The following CHD5 variants were observed in gnomAD, a reference collection of about 807,000 sequenced individuals.
CHD5 encodes chromodomain helicase DNA binding protein 5.
Under a neutral mutation model 230.3 loss-of-function variants are expected in CHD5, and 69 were observed. The observed-to-expected ratio is 0.30, with a 90% CI of 0.25 to 0.37. The LOEUF (loss-of-function observed/expected upper bound fraction) is 0.37, where lower values mean the gene tolerates loss of function less well. CHD5 is among the 10% of genes least tolerant of loss of function. CHD5 has a pLI of 1.00. For synonymous variants in CHD5, 1,064 were observed against 1,065.9 expected (o/e 1.00, Z 0.03); for missense variants, 1,827 against 2,622.8 (o/e 0.70, Z 6.63).
chr1:6,128,835 C>T lies in CHD5; in HGVS notation c.3619+3G>A, dbSNP rs1456535341. Reference sequence around the variant, plus strand: ...GCCACGCTCCCTCGGAACAGAGGCCCACCCTCCACGTCGTCCTTGAAGAGT... The same window carrying T: ...GCCACGCTCCCTCGGAACAGAGGCCTACCCTCCACGTCGTCCTTGAAGAGT... On this transcript the variant is annotated splice_donor_region_variant and intron_variant, in intron 23 of 41. Coordinates refer to ENST00000262450, the MANE Select transcript of CHD5 (RefSeq NM_015557.3). The surrounding 1 kb of genome is among the most constrained non-coding windows in gnomAD (Gnocchi z 7.8). The T allele has an allele frequency of 2.5e-6, 4 of 1,605,632 alleles. No homozygotes were observed. The highest frequency in any genetic ancestry group is 3.4e-6 in the Non-Finnish European group (4 of 1,173,696).
In CHD5 at chr1:6,146,713, C is replaced by T; in HGVS notation, c.1542G>A (p.Lys514=). Residue 514 remains lysine, a synonymous_variant, in exon 10 of 42, where the codon AAG becomes AAA. Transcript: ENST00000262450. The surrounding 1 kb of genome is among the most constrained non-coding windows in gnomAD (Gnocchi z 5.1). ...AATGCCAGTAGGACAGCCCTGCCCACTTGACAAAGAACTCTCTCTCAGGGA... is the reference window on the plus strand; with the variant it reads ...AATGCCAGTAGGACAGCCCTGCCCATTTGACAAAGAACTCTCTCTCAGGGA... ...EGIPEREFFV[K]WAGLSYWHCS... 3 of 1,613,704 alleles carry T rather than the reference C, an allele frequency of 1.9e-6. No homozygotes were observed. The highest frequency in any genetic ancestry group is 2.5e-6 in the Non-Finnish European group (3 of 1,179,886).
Position 6,170,752 on chromosome 1 carries a change from T to C in CHD5, c.80-2475A>G, listed in dbSNP as rs77292748. Reference sequence around the variant, plus strand: ...GACCCCACCCCATTCCTCTGATCACTAGTGTGGAAAGGCGGGGATTTTTCA... The same window carrying C: ...GACCCCACCCCATTCCTCTGATCACCAGTGTGGAAAGGCGGGGATTTTTCA... On this transcript the variant is annotated intron_variant, in intron 1 of 41. Transcript: ENST00000262450. 4.2e-3 allele frequency among the ~76,000 whole-genome samples: 637 copies of C among 152,204 alleles called. 5 individuals are homozygous for C. Among genetic ancestry groups the C allele is most frequent in the African/African-American group, 0.015 (622 of 41,528 alleles).
At position 6,168,293 on chromosome 1, in the gene CHD5, G is replaced by T; in HGVS notation, c.80-16C>A. ...TCTTCTTCTTCTGGAAAAATCAGAA[G>T]GTGGCAGCAGTTACTCCTGAGCTTC... On this transcript the variant is annotated splice_polypyrimidine_tract_variant and intron_variant, in intron 1 of 41. Coordinates refer to ENST00000262450, the MANE Select transcript of CHD5 (RefSeq NM_015557.3). 1 of 1,584,856 alleles carries T rather than the reference G, an allele frequency of 6.3e-7. No individual in the cohort carries two copies. Among genetic ancestry groups the T allele is most frequent in the South Asian group, 1.1e-5 (1 of 89,230 alleles).
intron 1 of CHD5, among the ~76,000 whole-genome samples, chr1:6,169,547 G>A (rs80137174): frequency 0.025 from 3,761 of 152,314 alleles, 148 homozygotes; most frequent in African/African-American, 0.086. Context: ...GGGGTCTGAC[G>A]CTCATCTGGG....
At chr1:6,173,295 A>ATG (rs1557565351) in intron 1 of CHD5, among the ~76,000 whole-genome samples, 43 of 151,380 alleles carry the variant, frequency 2.8e-4, no homozygotes, top group African/African-American at 1.0e-3. Context: ...TAGTAGAGCC[A>ATG]GGGTTTCACC....
At chr1:6,160,950 G>A (rs768188715) in intron 2 of CHD5, among the ~76,000 whole-genome samples, 3 of 152,322 alleles carry the variant, frequency 2.0e-5, no homozygotes, top group Non-Finnish European at 2.9e-5. Context: ...GGGAGGGGCC[G>A]GGCAGCACTG....
intron 17 of CHD5, among the ~76,000 whole-genome samples, chr1:6,135,833 C>T (rs1169740113): frequency 6.6e-6 from 1 of 152,032 alleles, no homozygotes; most frequent in Non-Finnish European, 1.5e-5. Context: ...TATGATGAAA[C>T]CCCAACTCTA....
In CHD5 at chr1:6,105,358, G is replaced by T. The variant is rs1225413580; in HGVS notation, c.*116C>A. On this transcript the variant is annotated 3_prime_UTR_variant, in exon 42 of 42. Coordinates refer to ENST00000262450, the MANE Select transcript of CHD5 (RefSeq NM_015557.3). The surrounding 1 kb of genome is among the most constrained non-coding windows in gnomAD (Gnocchi z 4.8). ...AGGTTTCCCTTTTTGTCCCAAGGTG[G>T]CGCTGGCTCCTAAAAAGGTGGCAGC... 1 of 470,054 alleles carries T rather than the reference G, an allele frequency of 2.1e-6. No homozygotes were observed. The highest frequency in any genetic ancestry group is 2.0e-5 in the African/African-American group (1 of 50,024). The allele number at this position is 470,054 out of a possible 1,614,324, so 29.1% of individuals were successfully genotyped here. A position where few individuals can be genotyped will look rare whatever the true frequency, so the allele number is the denominator to read the frequency against.
intron 33 of CHD5, 190 bp from the exon 34 acceptor site, chr1:6,113,188 C>T: frequency 1.7e-6 from 1 of 575,578 alleles, no homozygotes; most frequent in Non-Finnish European, 3.1e-6. Flanking sequence ...TTTTGGGAGG[C>T]CGAGGCAGGA....
intron 6 of CHD5, among the ~76,000 whole-genome samples, chr1:6,151,865 C>G (rs1667013612): frequency 1.3e-5 from 2 of 152,152 alleles, no homozygotes; most frequent in Admixed American, 1.3e-4. Context: ...CCCTCACACT[C>G]ACAGAGAAAG....
chr1:6,111,240 G>A (rs12740551), intron 36 of CHD5, among the ~76,000 whole-genome samples: 65,261 of 125,890 alleles, frequency 0.52, 14,836 homozygotes, highest in East Asian at 0.7. Context: ...AAAAAAAAAA[G>A]AAAAAGAAAA....
Position 6,125,302 on chromosome 1 carries a change from G to A in CHD5, c.4261-69C>T, listed in dbSNP as rs113295579. Reference sequence around the variant, plus strand: ...GGTGGGGGTGGAGGATTCTGGGATGGGGGAAGAAAAGCATGGGAGGAGGAG... The same window carrying A: ...GGTGGGGGTGGAGGATTCTGGGATGAGGGAAGAAAAGCATGGGAGGAGGAG... On this transcript the variant is annotated intron_variant, in intron 28 of 41. Coordinates refer to ENST00000262450, the MANE Select transcript of CHD5 (RefSeq NM_015557.3). The surrounding 1 kb of genome is among the most constrained non-coding windows in gnomAD (Gnocchi z 6.7). 3.3e-4 allele frequency: 492 copies of A among 1,491,128 alleles called. 3 individuals carry two copies. The African/African-American group carries it at 6.0e-3, about 18-fold the overall frequency. The allele number at this position is 1,491,128 out of a possible 1,614,324, so 92.4% of individuals were successfully genotyped here.
Position 6,126,224 on chromosome 1 carries a change from G to A in CHD5, c.4078+348C>T, listed in dbSNP as rs555634981. 5.9e-4 allele frequency among the ~76,000 whole-genome samples: 90 copies of A among 152,176 alleles called. No individual in the cohort carries two copies. The highest frequency in any genetic ancestry group is 1.9e-3 in the African/African-American group (78 of 41,528). Reference sequence around the variant, plus strand: ...AAGCTGCCTCCCAGCTCCAACCAGCGCCGCCCAGCGTTCCTGGCCCCCACC... The same window carrying A: ...AAGCTGCCTCCCAGCTCCAACCAGCACCGCCCAGCGTTCCTGGCCCCCACC... On this transcript the variant is annotated intron_variant, in intron 26 of 41. Coordinates refer to ENST00000262450, the MANE Select transcript of CHD5 (RefSeq NM_015557.3). The surrounding 1 kb of genome is among the most constrained non-coding windows in gnomAD (Gnocchi z 5.7).
intron 33 of CHD5, chr1:6,113,434 A>AG: frequency 3.0e-6 from 1 of 329,478 alleles, no homozygotes; most frequent in South Asian, 2.4e-5. Context: ...AAAAAAAAAC[A>AG]GCACACAGAA....
At chr1:6,127,355 T>C (rs1259389785) in intron 25 of CHD5, among the ~76,000 whole-genome samples, 2 of 151,992 alleles carry the variant, frequency 1.3e-5, no homozygotes, top group Non-Finnish European at 2.9e-5. Flanking sequence ...GGCGTGGTGG[T>C]GCATGCCAGT....
At chr1:6,123,208 A>G (rs1192698963) in intron 31 of CHD5, among the ~76,000 whole-genome samples, 1 of 152,136 alleles carries the variant, frequency 6.6e-6, no homozygotes, top group Non-Finnish European at 1.5e-5. Flanking sequence ...AGCCAGACAG[A>G]AAGGCCCACG....
At chr1:6,169,016 CAAAAAAA>C (rs796551533) in intron 1 of CHD5, among the ~76,000 whole-genome samples, 5 of 98,856 alleles carry the variant, frequency 5.1e-5, no homozygotes, top group Non-Finnish European at 7.3e-5. Flanking sequence ...GAGACTCCAT[CAAAAAAA>C]AAAAAAAAAA....
intron 1 of CHD5, among the ~76,000 whole-genome samples, chr1:6,168,498 C>T (rs1025328308): frequency 5.3e-5 from 8 of 152,234 alleles, no homozygotes; most frequent in Non-Finnish European, 1.2e-4. Context: ...GCCTTTCCTT[C>T]CCTCCTCTGT....
In CHD5 at chr1:6,134,651, C is replaced by G. The variant is rs369690750; in HGVS notation, c.3012+67G>C. ...TATCACAGCGGCCACAGGGACCTAC[C>G]ATGGCGGCCACAGGCACCTACCATG... On this transcript the variant is annotated intron_variant, in intron 19 of 41. Coordinates refer to ENST00000262450, the MANE Select transcript of CHD5 (RefSeq NM_015557.3). The surrounding 1 kb of genome is among the most constrained non-coding windows in gnomAD (Gnocchi z 6.3). 7.0e-5 allele frequency: 105 copies of G among 1,501,116 alleles called. No individual in the cohort carries two copies. In the East Asian group the frequency reaches 1.6e-3, roughly 23 times the overall value. The allele number at this position is 1,501,116 out of a possible 1,614,324, so 93.0% of individuals were successfully genotyped here. A position where few individuals can be genotyped will look rare whatever the true frequency, so the allele number is the denominator to read the frequency against.
Sources: gnomAD v4.1 joint callset for allele counts (sites outside exome capture counted in the v4.1 genomes callset) on GRCh38, gnomAD v4.1.1 for gene constraint, Gnocchi (gnomAD v3.1) non-coding constraint, MANE v1.5 for transcripts, NCBI Gene and HGNC (gene_info 2026-07-23, HGNC 2026-07-21) for gene names.